The following WASF1 variants were observed in gnomAD, a reference collection of about 807,000 sequenced individuals.
WASF1 encodes WASP family member 1.
Under a neutral mutation model 50.5 loss-of-function variants are expected in WASF1, and 7 were observed. The ratio of observed to expected loss-of-function variants is 0.14; its 90% confidence interval spans 0.08 to 0.26. The LOEUF (loss-of-function observed/expected upper bound fraction) is 0.26. Ranked by LOEUF, WASF1 falls within the 10% of genes least tolerant of loss-of-function variation. The pLI, the probability that WASF1 is intolerant of heterozygous loss-of-function variation, is 1.00. For missense variants in WASF1, 470 were observed against 694.7 expected (o/e 0.68, Z 3.64); for synonymous variants, 205 against 244.0 (o/e 0.84, Z 1.49).
At chr6:110,137,831 T>C (rs1002688381) in intron 3 of WASF1, among the ~76,000 whole-genome samples, 2 of 152,242 alleles carry the variant, frequency 1.3e-5, no homozygotes, top group Non-Finnish European at 2.9e-5. Flanking sequence ...TGTAACTAAT[T>C]ACTGTAACTC....
At chr6:110,123,217 G>A (rs886731713) in intron 4 of WASF1, among the ~76,000 whole-genome samples, 1 of 151,834 alleles carries the variant, frequency 6.6e-6, no homozygotes, top group Non-Finnish European at 1.5e-5. Flanking sequence ...ATAAATTTTA[G>A]GCCAAGTAGC....
intron 3 of WASF1, among the ~76,000 whole-genome samples, chr6:110,159,992 T>C (rs1584019994): frequency 6.6e-6 from 1 of 151,900 alleles, no homozygotes; most frequent in African/African-American, 2.4e-5. Flanking sequence ...CAGCAATTTT[T>C]CAACTCCTAT....
At chr6:110,114,337 A>G (rs1014804968) in intron 4 of WASF1, among the ~76,000 whole-genome samples, 3 of 152,220 alleles carry the variant, frequency 2.0e-5, no homozygotes, top group Non-Finnish European at 4.4e-5. Flanking sequence ...GAATTGCTTG[A>G]TATGAACCCC....
rs779417091 is a variant in WASF1, at chr6:110,100,243, G to C, written c.*279C>G. On this transcript the variant is annotated 3_prime_UTR_variant, in exon 11 of 11. Transcript: ENST00000392589. ...CACAATTAAGATATATCAAAAAACT[G>C]AATCTGCTACTCTAACAACAGCTGT... The C allele has an allele frequency of 2.4e-5, 6 of 254,894 alleles. No individual in the cohort carries two copies. The highest frequency in any genetic ancestry group is 3.7e-5 in the Non-Finnish European group (5 of 134,440). 15.8% of individuals were successfully genotyped at this position (254,894 alleles called of 1,614,324 possible).
chr6:110,133,426 A>G (rs1271289004), intron 3 of WASF1, among the ~76,000 whole-genome samples: 1 of 152,138 alleles, frequency 6.6e-6, no homozygotes, highest in Non-Finnish European at 1.5e-5. Flanking sequence ...CGCTGGATCA[A>G]ATGGTAGATC....
intron 3 of WASF1, among the ~76,000 whole-genome samples, chr6:110,141,803 G>A (rs1381118620): frequency 1.3e-5 from 2 of 150,314 alleles, no homozygotes; most frequent in African/African-American, 2.5e-5. Context: ...TCGGAGTCTC[G>A]CTCTGTCACC....
chr6:110,118,506 T>G (rs1183525219), intron 4 of WASF1, among the ~76,000 whole-genome samples: 1 of 151,924 alleles, frequency 6.6e-6, no homozygotes, highest in Non-Finnish European at 1.5e-5. Flanking sequence ...ATCCTAAATA[T>G]ATATGCACCC....
At position 110,170,225 on chromosome 6, in the gene WASF1, T is replaced by G. The variant is rs556368260; in HGVS notation, c.-127+8373A>C. The stretch of plus-strand genomic sequence containing the variant: ...GAGCAGAAAAAGAGAGGACATTTTT[T>G]GGGGGTGGAGGGGGTGAAACAGAGG... On this transcript the variant is annotated intron_variant, in intron 2 of 10. Coordinates refer to ENST00000392589, the MANE Select transcript of WASF1 (RefSeq NM_003931.3). Among the ~76,000 whole-genome samples the G allele has an allele frequency of 7.9e-5, 12 of 152,106 alleles. No individual in the cohort carries two copies. In the East Asian group the frequency reaches 9.7e-4, roughly 12 times the overall value.
At chr6:110,152,647 C>G (rs1775874223) in intron 3 of WASF1, among the ~76,000 whole-genome samples, 1 of 152,134 alleles carries the variant, frequency 6.6e-6, no homozygotes, top group East Asian at 1.9e-4. Context: ...GCCGTCAGTG[C>G]CATGATTTTG....
rs1394727663 is a variant in WASF1, at chr6:110,124,212, TCTCTCCTCTCTCTC to T, written c.133+3243_133+3256del. 5.6e-4 allele frequency among the ~76,000 whole-genome samples: 42 copies of T among 75,444 alleles called. 2 individuals are homozygous for T. The highest frequency in any genetic ancestry group is 2.2e-3 in the African/African-American group (29 of 13,058). The allele number at this position is 75,444 out of a possible 152,430, so 49.5% of individuals were successfully genotyped here. On this transcript the variant is annotated intron_variant, in intron 4 of 10. Transcript: ENST00000392589. ...CAGCGTCTCTCTCTCTCTCTCTCTC[TCTCTCCTCTCTCTC>T]CTCTCTCTCCTCTCTCTCTCTCTCT...
At chr6:110,127,391 A>G in intron 4 of WASF1, 78 bp downstream of exon 4, 1 of 1,265,984 alleles carries the variant, frequency 7.9e-7, no homozygotes, top group Non-Finnish European at 1.0e-6. Flanking sequence ...TCCCAAATTA[A>G]TCAGAAGCAC....
At chr6:110,119,080 AAG>A (rs539214977) in intron 4 of WASF1, among the ~76,000 whole-genome samples, 288 of 152,334 alleles carry the variant, frequency 1.9e-3, no homozygotes, top group Non-Finnish European at 3.3e-3. Flanking sequence ...AAATACTCAC[AAG>A]AGAAAGCAGG....
chr6:110,128,594 G>A (rs1774515225), intron 3 of WASF1, among the ~76,000 whole-genome samples: 1 of 152,176 alleles, frequency 6.6e-6, no homozygotes, highest in Non-Finnish European at 1.5e-5. Context: ...GCACAAATTT[G>A]AGTGACTCGA....
chr6:110,176,964 T>A (rs936772068), intron 2 of WASF1, among the ~76,000 whole-genome samples: 17 of 152,034 alleles, frequency 1.1e-4, no homozygotes, highest in Non-Finnish European at 2.4e-4. Flanking sequence ...AGTAGTCCAA[T>A]AAGGAAATCA....
chr6:110,166,330 A>C (rs1388076044), intron 2 of WASF1, among the ~76,000 whole-genome samples: 1 of 151,760 alleles, frequency 6.6e-6, no homozygotes, highest in African/African-American at 2.4e-5. Flanking sequence ...AAAAGATTTT[A>C]AATGTTTTAA....
intron 3 of WASF1, among the ~76,000 whole-genome samples, chr6:110,133,562 A>AT (rs1213969711): frequency 2.6e-5 from 4 of 151,670 alleles, no homozygotes; most frequent in African/African-American, 4.9e-5. Flanking sequence ...TTGTTTTTTG[A>AT]TTTTTTTTAT....
intron 4 of WASF1, among the ~76,000 whole-genome samples, chr6:110,122,734 C>T (rs537691701): frequency 3.9e-5 from 6 of 152,176 alleles, no homozygotes; most frequent in East Asian, 1.9e-4. Flanking sequence ...TACTACTACA[C>T]ATACAACATA....
chr6:110,170,932 A>C (rs2114621816), intron 2 of WASF1, among the ~76,000 whole-genome samples: 1 of 152,306 alleles, frequency 6.6e-6, no homozygotes, highest in South Asian at 2.1e-4. Context: ...ACAGAGCATC[A>C]AAATGTGAAG....
At chr6:110,144,822 C>CT (rs1339068781) in intron 3 of WASF1, among the ~76,000 whole-genome samples, 1 of 152,164 alleles carries the variant, frequency 6.6e-6, no homozygotes, top group Non-Finnish European at 1.5e-5. Flanking sequence ...GTCTATCTCT[C>CT]TGTTTTGGTA....
Sources: gnomAD v4.1 joint callset for allele counts (sites outside exome capture counted in the v4.1 genomes callset) on GRCh38, gnomAD v4.1.1 for gene constraint, MANE v1.5 for transcripts, NCBI Gene and HGNC (gene_info 2026-07-23, HGNC 2026-07-21) for gene names.